Variants in MECOM observed in about 807,000 individuals in gnomAD.
MECOM encodes the protein MDS1 and EVI1 complex locus.
Under a neutral mutation model 116.3 loss-of-function variants are expected in MECOM, and 13 were observed. The observed-to-expected ratio is 0.11, with a 90% CI of 0.07 to 0.18. The LOEUF is 0.18. Among genes scored for constraint, MECOM ranks in the 10% least tolerant of loss-of-function variants. MECOM has a pLI of 1.00. For synonymous variants in MECOM, 528 were observed against 535.2 expected (o/e 0.99, Z 0.19); for missense variants, 1,299 against 1,509.0 (o/e 0.86, Z 2.31).
intron 8 of MECOM, among the ~76,000 whole-genome samples, chr3:169,113,828 T>C (rs1255759838): frequency 6.6e-6 from 1 of 152,164 alleles, no homozygotes; most frequent in Non-Finnish European, 1.5e-5. Flanking sequence ...GGTGATGTTA[T>C]ATCCATTTTA....
At chr3:169,449,831 A>C (rs1745256614) in intron 1 of MECOM, among the ~76,000 whole-genome samples, 1 of 152,220 alleles carries the variant, frequency 6.6e-6, no homozygotes. Context: ...TAATGGTGTC[A>C]AACTGGAGAC....
intron 2 of MECOM, among the ~76,000 whole-genome samples, chr3:169,226,174 T>A (rs536126474): frequency 1.8e-4 from 28 of 152,332 alleles, no homozygotes; most frequent in Middle Eastern, 3.4e-3. Flanking sequence ...CACTTCTTTT[T>A]TAATGCTGGT....
intron 2 of MECOM, among the ~76,000 whole-genome samples, chr3:169,260,132 T>A (rs1007990323): frequency 3.9e-5 from 6 of 152,214 alleles, no homozygotes; most frequent in African/African-American, 1.2e-4. Context: ...TGGGTATTAA[T>A]AGGTTCGTGT....
chr3:169,185,391 G>A (rs1468398953), intron 2 of MECOM, among the ~76,000 whole-genome samples: 1 of 152,178 alleles, frequency 6.6e-6, no homozygotes, highest in Non-Finnish European at 1.5e-5. Context: ...TCCCACGAAA[G>A]TTATGGAGGA....
chr3:169,104,556 A>T (rs1360981717), intron 10 of MECOM, among the ~76,000 whole-genome samples: 1 of 152,196 alleles, frequency 6.6e-6, no homozygotes, highest in African/African-American at 2.4e-5. Context: ...TAAATGTTTT[A>T]TTTATGTACA....
chr3:169,143,949 G>T, intron 2 of MECOM, 117 bp from the exon 3 acceptor site: 1 of 1,209,702 alleles, frequency 8.3e-7, no homozygotes, highest in Non-Finnish European at 1.1e-6. Context: ...CTTAAAAAAA[G>T]TCAGATCACA....
chr3:169,110,465 G>A (rs1217843055), intron 9 of MECOM, among the ~76,000 whole-genome samples: 1 of 152,056 alleles, frequency 6.6e-6, no homozygotes, highest in Non-Finnish European at 1.5e-5. Flanking sequence ...GGGCTCACCT[G>A]TATCCCAGCT....
Position 169,097,833 on chromosome 3 carries a change from AAAAAAAAG to A in MECOM, c.2850-2596_2850-2589del, listed in dbSNP as rs1483373332. 8.7e-5 allele frequency among the ~76,000 whole-genome samples: 13 copies of A among 149,118 alleles called. No homozygotes were observed. In the South Asian group the frequency reaches 2.8e-3, roughly 32 times the overall value. On this transcript the variant is annotated intron_variant, in intron 12 of 16. Transcript: ENST00000651503. ...CTGTCTATATAAAAAAAAAAAAAAA[AAAAAAAAG>A]GTGGATTCCACTGTCAAGGAGCTTG... is the stretch of plus-strand genomic sequence containing the variant.
intron 2 of MECOM, among the ~76,000 whole-genome samples, chr3:169,256,754 G>A (rs963349718): frequency 2.0e-5 from 3 of 152,146 alleles, no homozygotes; most frequent in Non-Finnish European, 2.9e-5. Flanking sequence ...TGAGCCATAG[G>A]ACAGGAAAGA....
At chr3:169,128,545 CT>C (rs1358283109) in intron 4 of MECOM, among the ~76,000 whole-genome samples, 1 of 152,112 alleles carries the variant, frequency 6.6e-6, no homozygotes, top group Non-Finnish European at 1.5e-5. Flanking sequence ...ATTCCATACA[CT>C]TCTTATTATG....
At chr3:169,444,915 C>T (rs1744359981) in intron 1 of MECOM, among the ~76,000 whole-genome samples, 1 of 152,148 alleles carries the variant, frequency 6.6e-6, no homozygotes, top group Admixed American at 6.5e-5. Context: ...TATGTTTTAG[C>T]AAAGAGACTG....
chr3:169,423,244 G>A (rs948014859), intron 1 of MECOM, among the ~76,000 whole-genome samples: 7 of 152,070 alleles, frequency 4.6e-5, no homozygotes, highest in African/African-American at 1.7e-4. Context: ...AAAGGCAGAA[G>A]TTTCTCAAAG....
rs776134551 is a variant in MECOM at position 169,121,152 on chromosome 3, G to A, written c.1036C>T (p.Arg346Trp). Residue 346 changes from arginine (R) to tryptophan (W), a missense_variant, in exon 7 of 17, where the codon CGG becomes TGG. Arg to Trp is a moderately radical substitution (Grantham distance 101). Around this residue, in one of 6 missense-constraint regions of MECOM, gnomAD observed 374 missense variants for 433.4 expected, o/e 0.86. Transcript: ENST00000651503. ...CCACACTCCGGGCATGCATGGGCCC[G>A]GGCACCGACATGCTGAGAGCGAATG... is the stretch of plus-strand genomic sequence containing the variant. Reference protein sequence around the residue: ...RHIRSQHVGARAHACPECGKT... With the variant: ...RHIRSQHVGAWAHACPECGKT... The A allele has an allele frequency of 5.6e-6, 9 of 1,613,346 alleles. No homozygotes were observed. The Admixed American group carries it at 6.7e-5, about 12-fold the overall frequency.
At chr3:169,573,705 A>G (rs1226612083) in intron 1 of MECOM, among the ~76,000 whole-genome samples, 1 of 152,172 alleles carries the variant, frequency 6.6e-6, no homozygotes, top group African/African-American at 2.4e-5. Flanking sequence ...AGAAGAAAAT[A>G]TCTTCATATC....
At chr3:169,190,832 C>G (rs1242945457) in intron 2 of MECOM, among the ~76,000 whole-genome samples, 2 of 151,908 alleles carry the variant, frequency 1.3e-5, no homozygotes, top group African/African-American at 4.8e-5. Flanking sequence ...TGAAGATGGC[C>G]AGAAACAAAG....
rs190896957 is a variant in MECOM at position 169,599,282 on chromosome 3, G to A, written c.37+64054C>T. Among the ~76,000 whole-genome samples the A allele has an allele frequency of 2.0e-4, 30 of 152,254 alleles. No individual in the cohort carries two copies. The East Asian group carries it at 2.5e-3, about 13-fold the overall frequency. ...TGTAATCCCAGCACTTTGGAAGGCC[G>A]AGGCGGGCAGATCACGAGGTCAAGA... On this transcript the variant is annotated intron_variant, in intron 1 of 16. Coordinates refer to ENST00000651503, the MANE Select transcript of MECOM (RefSeq NM_004991.4).
intron 2 of MECOM, among the ~76,000 whole-genome samples, chr3:169,187,591 A>G (rs1057343917): frequency 2.0e-5 from 3 of 152,108 alleles, no homozygotes; most frequent in Non-Finnish European, 1.5e-5. Context: ...GGTGTGGAAT[A>G]AGACTCTATA....
chr3:169,110,477 G>A (rs2149028929), intron 9 of MECOM, among the ~76,000 whole-genome samples: 1 of 152,174 alleles, frequency 6.6e-6, no homozygotes, highest in African/African-American at 2.4e-5. Context: ...ATCCCAGCTT[G>A]TATCCCAGCT....
intron 2 of MECOM, among the ~76,000 whole-genome samples, chr3:169,200,927 A>G (rs1226952468): frequency 1.3e-5 from 2 of 152,078 alleles, no homozygotes; most frequent in Non-Finnish European, 2.9e-5. Context: ...CTGACTAATC[A>G]GTGGTCAAAT....
Sources: gnomAD v4.1 joint callset for allele counts (sites outside exome capture counted in the v4.1 genomes callset) on GRCh38, gnomAD v4.1.1 for gene constraint, gnomAD v4.1.1 regional missense constraint, MANE v1.5 for transcripts, NCBI Gene and HGNC (gene_info 2026-07-23, HGNC 2026-07-21) for gene names.